PIERCE1: variants seen among roughly 807,000 people sequenced by gnomAD.
PIERCE1 encodes piercer of microtubule wall 1, also known as piercer of microtubule wall 1 protein.
the PIERCE1 span, among the ~76,000 whole-genome samples, chr9:135,495,911 C>G: frequency 6.6e-6 from 1 of 152,150 alleles, no homozygotes; most frequent in Non-Finnish European, 1.5e-5. Flanking sequence ...CTGGAGTCAC[C>G]CCCAGGTCTG....
the PIERCE1 span, chr9:135,495,509 C>G: frequency 6.2e-7 from 1 of 1,614,050 alleles, no homozygotes; most frequent in Non-Finnish European, 8.5e-7. Flanking sequence ...GTTATCGGGG[C>G]CAGTCACGAT....
At chr9:135,498,611 T>C in the PIERCE1 span, 6 of 1,614,068 alleles carry the variant, frequency 3.7e-6, no homozygotes, top group Non-Finnish European at 4.2e-6. This position sits in a 1 kb window ranked among gnomAD's most constrained non-coding sequence, Gnocchi z 4.1. Flanking sequence ...GTGGGGGCTC[T>C]GCTCCCGTAA....
At chr9:135,499,466 G>A in the PIERCE1 span, 2 of 704,906 alleles carry the variant, frequency 2.8e-6, no homozygotes, top group South Asian at 1.5e-5. Flanking sequence ...GTGGAGCTGA[G>A]ACCACAACTG....
At chr9:135,495,722 C>A in the PIERCE1 span, 1 of 1,098,494 alleles carries the variant, frequency 9.1e-7, no homozygotes, top group Non-Finnish European at 1.3e-6. Context: ...GCAGAGAAGC[C>A]AGAGTGGGTA....
At chr9:135,499,767 G>A in the PIERCE1 span, 11 of 1,606,896 alleles carry the variant, frequency 6.8e-6, no homozygotes, top group Non-Finnish European at 9.3e-6. Flanking sequence ...GCGCTCACGC[G>A]GTAGTAGTCG....
the PIERCE1 span, chr9:135,495,600 T>C: frequency 6.2e-7 from 1 of 1,613,462 alleles, no homozygotes; most frequent in Non-Finnish European, 8.5e-7. Context: ...TTATTCGAAT[T>C]TGGATAAAAT....
At chr9:135,498,505 G>A in the PIERCE1 span, 8 of 1,246,476 alleles carry the variant, frequency 6.4e-6, no homozygotes, top group African/African-American at 8.9e-5. This position sits in a 1 kb window ranked among gnomAD's most constrained non-coding sequence, Gnocchi z 4.1. Flanking sequence ...TTGTTGACCT[G>A]TTGAGAACCC....
chr9:135,495,294 G>A, the PIERCE1 span: 13 of 839,662 alleles, frequency 1.5e-5, no homozygotes, highest in African/African-American at 6.8e-5. Context: ...TTCCTACTCC[G>A]CAGACGAATA....
the PIERCE1 span, among the ~76,000 whole-genome samples, chr9:135,498,122 A>G: frequency 9.8e-5 from 15 of 152,298 alleles, no homozygotes; most frequent in East Asian, 5.8e-4. The surrounding 1 kb of genome is among the most constrained non-coding windows in gnomAD (Gnocchi z 4.1). Context: ...GTGCCCACCA[A>G]TACAACTTGC....
At chr9:135,499,598 C>G in the PIERCE1 span, 1 of 1,419,486 alleles carries the variant, frequency 7.0e-7, no homozygotes, top group African/African-American at 1.4e-5. Flanking sequence ...CGGATGACCA[C>G]TCGATCTTCT....
chr9:135,497,586 ATTATT>A, the PIERCE1 span, among the ~76,000 whole-genome samples: 4 of 152,084 alleles, frequency 2.6e-5, no homozygotes, highest in South Asian at 6.2e-4. Flanking sequence ...CACCCAGCTA[ATTATT>A]TTATTTTATT....
the PIERCE1 span, chr9:135,499,063 C>T: frequency 3.7e-6 from 1 of 270,772 alleles, no homozygotes; most frequent in Non-Finnish European, 7.2e-6. Context: ...CCCCCACCCT[C>T]ACTGAGGCTA....
At chr9:135,499,570 CGATGACAGCGCGGGCCCCG>C in the PIERCE1 span, 3 of 1,185,736 alleles carry the variant, frequency 2.5e-6, no homozygotes, top group East Asian at 2.6e-5. Context: ...CACTGGCGGG[CGATGACAGCGCGGGCCCCG>C]GATGACCACT....
the PIERCE1 span, chr9:135,498,644 C>A: frequency 6.2e-7 from 1 of 1,614,026 alleles, no homozygotes; most frequent in Non-Finnish European, 8.5e-7. This position sits in a 1 kb window ranked among gnomAD's most constrained non-coding sequence, Gnocchi z 4.1. Flanking sequence ...GTCCTGTACA[C>A]GGAGACAGCC....
the PIERCE1 span, chr9:135,499,858 T>A: frequency 1.0e-5 from 16 of 1,554,700 alleles, no homozygotes; most frequent in Non-Finnish European, 1.3e-5. Context: ...CCATTGTGCC[T>A]GGAGGAGAAG....
chr9:135,495,834 T>G, the PIERCE1 span, among the ~76,000 whole-genome samples: 1 of 152,186 alleles, frequency 6.6e-6, no homozygotes. Context: ...AAGAATGAGC[T>G]GTGGGGCCAC....
the PIERCE1 span, among the ~76,000 whole-genome samples, chr9:135,498,276 G>GTGTGTGTGTGAGACTGC: frequency 6.6e-6 from 1 of 152,076 alleles, no homozygotes; most frequent in African/African-American, 2.4e-5. This position sits in a 1 kb window ranked among gnomAD's most constrained non-coding sequence, Gnocchi z 4.1. Flanking sequence ...ATGGTTGCGT[G>GTGTGTGTGTGAGACTGC]TGTGTGTGTG....
At chr9:135,499,629 T>C in the PIERCE1 span, 1 of 1,530,094 alleles carries the variant, frequency 6.5e-7, no homozygotes, top group South Asian at 1.2e-5. Context: ...AGCTAGGACC[T>C]TGGGGGTCTT....
the PIERCE1 span, chr9:135,498,472 TG>T: frequency 1.2e-6 from 1 of 860,256 alleles, no homozygotes; most frequent in South Asian, 1.6e-5. The surrounding 1 kb of genome is among the most constrained non-coding windows in gnomAD (Gnocchi z 4.1). Context: ...GCCTCCTCCC[TG>T]GGTGCACCCC....
Sources: gnomAD v4.1 joint callset for allele counts (sites outside exome capture counted in the v4.1 genomes callset) on GRCh38, gnomAD v4.1.1 for gene constraint, Gnocchi (gnomAD v3.1) non-coding constraint, MANE v1.5 for transcripts, NCBI Gene and HGNC (gene_info 2026-07-23, HGNC 2026-07-21) for gene names.